UBAP2: variants seen among roughly 807,000 people sequenced by gnomAD.
The protein encoded by UBAP2 is ubiquitin associated protein 2.
Under a neutral mutation model 139.6 loss-of-function variants are expected in UBAP2, and 75 were observed. The ratio of observed to expected loss-of-function variants is 0.54; its 90% confidence interval spans 0.45 to 0.65. The LOEUF is 0.65. Ranked by LOEUF, UBAP2 falls within the 30% of genes least tolerant of loss-of-function variation. The probability of loss-of-function intolerance (pLI) is 0.00; values close to 1 mark genes in which losing one functional copy is unlikely to be tolerated. For missense variants in UBAP2, 1,368 were observed against 1,369.6 expected, an observed-to-expected ratio of 1.00 and a Z score of 0.02; for synonymous variants, 526 against 526.2, an observed-to-expected ratio of 1.00 and a Z score of 0.01.
At position 33,926,758 on chromosome 9, in the gene UBAP2, C is replaced by T. The variant is rs1180764386; in HGVS notation, c.2464-94G>A. The T allele has an allele frequency of 3.0e-6, 4 of 1,319,804 alleles. No homozygotes were observed. In the African/African-American group the frequency reaches 5.8e-5, roughly 19 times the overall value. The allele number at this position is 1,319,804 out of a possible 1,614,324, so 81.8% of individuals were successfully genotyped here. A position where few individuals can be genotyped will look rare whatever the true frequency, so the allele number is the denominator to read the frequency against. On this transcript the variant is annotated intron_variant, in intron 21 of 28. Coordinates refer to ENST00000379238, the MANE Select transcript of UBAP2 (RefSeq NM_001370062.2). The stretch of plus-strand genomic sequence containing the variant: ...GGAGTCAAAACAAGGTTGGGGGGCT[C>T]TAACACACCCGGGAATGGGATCTGG...
rs1332873658 is a variant in UBAP2, at chr9:34,022,462, C to G, written c.-41-5273G>C. ...TTTTTTTTTTTTTTTTTTTAAGACA[C>G]AGTCTGGCTTTGTTGCCCAGGCTGG... On this transcript the variant is annotated intron_variant, in intron 1 of 28. Transcript: ENST00000379238. 6.6e-4 allele frequency among the ~76,000 whole-genome samples: 84 copies of G among 127,344 alleles called. 1 individual carries two copies. In the East Asian group the frequency reaches 0.017, roughly 26 times the overall value. 83.5% of individuals were successfully genotyped at this position (127,344 alleles called of 152,430 possible).
intron 1 of UBAP2, among the ~76,000 whole-genome samples, chr9:34,032,363 T>C (rs1466929371): frequency 6.6e-6 from 1 of 152,150 alleles, no homozygotes; most frequent in African/African-American, 2.4e-5. Flanking sequence ...TTTCTGTCTT[T>C]ATACACTCAC....
intron 19 of UBAP2, among the ~76,000 whole-genome samples, chr9:33,931,394 T>C (rs1000150108): frequency 1.3e-5 from 2 of 152,140 alleles, no homozygotes; most frequent in African/African-American, 2.4e-5. Context: ...CAGGCTGGAA[T>C]ACATGGTCTG....
intron 2 of UBAP2, among the ~76,000 whole-genome samples, chr9:34,009,541 T>A (rs561812802): frequency 3.0e-4 from 45 of 152,080 alleles, no homozygotes; most frequent in African/African-American, 9.9e-4. Flanking sequence ...ATTACAGGTG[T>A]TAGCCACCAT....
chr9:34,017,036 CCA>C lies in UBAP2; in HGVS notation c.99+12_99+13del. 1 of 1,534,168 alleles carries C rather than the reference CCA, an allele frequency of 6.5e-7. No individual in the cohort carries two copies. Among genetic ancestry groups the C allele is most frequent in the Non-Finnish European group, 8.8e-7 (1 of 1,137,362 alleles). ...AAAAAGGAAAAAAAAAAAAAGAGTTCCACAAAAACTTACCTGTACCACTTGTT... is the reference window on the plus strand; with the variant it reads ...AAAAAGGAAAAAAAAAAAAAGAGTTCCAAAAACTTACCTGTACCACTTGTT... On this transcript the variant is annotated intron_variant, in intron 2 of 28. Coordinates refer to ENST00000379238, the MANE Select transcript of UBAP2 (RefSeq NM_001370062.2).
intron 1 of UBAP2, among the ~76,000 whole-genome samples, chr9:34,019,725 G>A (rs1032585886): frequency 2.4e-4 from 28 of 116,492 alleles, no homozygotes; most frequent in East Asian, 1.9e-3. Flanking sequence ...ACACACACAC[G>A]CACAGAAAAA....
intron 17 of UBAP2, 86 bp downstream of exon 17, chr9:33,935,753 T>C: frequency 6.7e-7 from 1 of 1,493,678 alleles, no homozygotes; most frequent in South Asian, 1.1e-5. Flanking sequence ...ATTGACCAAC[T>C]GGTGTTTTCC....
rs73492967 is a variant in UBAP2 at position 33,925,421 on chromosome 9, G to A, written c.2512-1137C>T. Among the ~76,000 whole-genome samples the A allele has an allele frequency of 9.0e-3, 1,377 of 152,272 alleles. 23 individuals are homozygous for A. Among genetic ancestry groups the A allele is most frequent in the African/African-American group, 0.031 (1,279 of 41,550 alleles). ...AGCAGCAGAGGTGAACAAACAACCC[G>A]AGGGATAGAAAGAGCAACATATCTC... On this transcript the variant is annotated intron_variant, in intron 22 of 28. Transcript: ENST00000379238.
intron 19 of UBAP2, among the ~76,000 whole-genome samples, chr9:33,929,941 T>A (rs893826728): frequency 6.6e-6 from 1 of 151,928 alleles, no homozygotes; most frequent in Non-Finnish European, 1.5e-5. Flanking sequence ...GAGGTGGAGG[T>A]TGCACTAAGC....
At chr9:34,029,814 C>G (rs1471001415) in intron 1 of UBAP2, among the ~76,000 whole-genome samples, 1 of 149,906 alleles carries the variant, frequency 6.7e-6, no homozygotes, top group Non-Finnish European at 1.5e-5. Flanking sequence ...ATGGTGAAAA[C>G]CCATCTCTAC....
At chr9:33,980,814 G>C (rs1388287812) in intron 6 of UBAP2, among the ~76,000 whole-genome samples, 1 of 151,272 alleles carries the variant, frequency 6.6e-6, no homozygotes, top group Non-Finnish European at 1.5e-5. Context: ...GGGCATAGTA[G>C]CGTGCACCTG....
intron 2 of UBAP2, 82 bp from the exon 3 acceptor site, chr9:33,998,946 C>T (rs1245178436): frequency 1.9e-6 from 2 of 1,073,084 alleles, no homozygotes; most frequent in Non-Finnish European, 1.4e-6. Flanking sequence ...ACAGATAAGG[C>T]TCTCAAGCAC....
At chr9:33,990,193 T>A (rs1182238413) in intron 4 of UBAP2, among the ~76,000 whole-genome samples, 6 of 152,194 alleles carry the variant, frequency 3.9e-5, no homozygotes, top group Non-Finnish European at 8.8e-5. Flanking sequence ...TACTTATTCA[T>A]AATCTGCCTT....
chr9:33,988,459 ACCTG>A (rs1471217777), intron 5 of UBAP2, among the ~76,000 whole-genome samples: 1 of 152,218 alleles, frequency 6.6e-6, no homozygotes, highest in African/African-American at 2.4e-5. Context: ...TGGAAATGAG[ACCTG>A]CCTATGAGAA....
In UBAP2 at chr9:34,042,466, A is replaced by G. The variant is rs1827182792; in HGVS notation, c.-42+6359T>C. ...ACACTTCAGCCCAGGCGATAGTGCA[A>G]GACTCCGTCTCAAAAAAAAAAAAAA... On this transcript the variant is annotated intron_variant, in intron 1 of 28. Coordinates refer to ENST00000379238, the MANE Select transcript of UBAP2 (RefSeq NM_001370062.2). 2.9e-5 allele frequency among the ~76,000 whole-genome samples: 4 copies of G among 137,308 alleles called. No homozygotes were observed. The Admixed American group carries it at 3.1e-4, about 11-fold the overall frequency. The allele number at this position is 137,308 out of a possible 152,430, so 90.1% of individuals were successfully genotyped here.
At chr9:34,015,283 G>A (rs1824149114) in intron 2 of UBAP2, among the ~76,000 whole-genome samples, 1 of 152,006 alleles carries the variant, frequency 6.6e-6, no homozygotes, top group African/African-American at 2.4e-5. Context: ...CCAAATTGAG[G>A]AGGAGGGAGT....
rs72150705 is a variant in UBAP2, at chr9:33,939,189, CTTTT to C, written c.1929+2456_1929+2459del. Among the ~76,000 whole-genome samples, 9 of 78,584 alleles carry C rather than the reference CTTTT, an allele frequency of 1.1e-4. No homozygotes were observed. The Middle Eastern group carries it at 0.024, about 208-fold the overall frequency. 51.6% of individuals were successfully genotyped at this position (78,584 alleles called of 152,430 possible). A position where few individuals can be genotyped will look rare whatever the true frequency, so the allele number is the denominator to read the frequency against. ...AATAACATTATTTGATTTCCTATGT[CTTTT>C]TTTTTTTTTTTTTTTTTTGAGATGG... On this transcript the variant is annotated intron_variant, in intron 16 of 28. Transcript: ENST00000379238.
At chr9:34,028,381 T>TTTAA (rs1825596500) in intron 1 of UBAP2, among the ~76,000 whole-genome samples, 1 of 151,044 alleles carries the variant, frequency 6.6e-6, no homozygotes, top group African/African-American at 2.4e-5. Flanking sequence ...TATTTATTTA[T>TTTAA]TTATTTATTT....
rs7040067 is a variant in UBAP2 at position 33,943,609 on chromosome 9, G to C, written c.1546-20C>G. On this transcript the variant is annotated intron_variant, in intron 14 of 28. Transcript: ENST00000379238. ...TGGGATCTGAAAAAGCAAAGCTGTCGTGTCAGGAACAGAGGTCACAGATTC... is the reference window on the plus strand; with the variant it reads ...TGGGATCTGAAAAAGCAAAGCTGTCCTGTCAGGAACAGAGGTCACAGATTC... The C allele has an allele frequency of 1.9e-6, 3 of 1,613,394 alleles. No individual in the cohort carries two copies. Among genetic ancestry groups the C allele is most frequent in the Non-Finnish European group, 2.5e-6 (3 of 1,179,680 alleles).
Sources: allele counts gnomAD v4.1 joint callset (sites outside exome capture counted in the v4.1 genomes callset), GRCh38; gene constraint gnomAD v4.1.1; transcripts MANE v1.5; gene names NCBI Gene and HGNC (gene_info 2026-07-23, HGNC 2026-07-21).